Variants in ADAMTSL1 observed in about 807,000 individuals in gnomAD.
ADAMTSL1 encodes the protein ADAMTS-like protein 1.
ADAMTSL1 carries 126 observed loss-of-function variants against 201.8 expected under a neutral mutation model. The ratio of observed to expected loss-of-function variants is 0.62; its 90% CI spans 0.54 to 0.72. The LOEUF (loss-of-function observed/expected upper bound fraction) is 0.72, where lower values mean the gene tolerates loss of function less well. Ranked by LOEUF, ADAMTSL1 falls within the 30% of genes least tolerant of loss-of-function variation. The pLI, the probability that ADAMTSL1 is intolerant of heterozygous loss-of-function variation, is 0.00. For missense variants in ADAMTSL1, 2,679 were observed against 2,277.8 expected (o/e 1.18, Z -3.59); for synonymous variants, 1,121 against 903.4 (o/e 1.24, Z -4.32).
intron 23 of ADAMTSL1, among the ~76,000 whole-genome samples, chr9:18,839,657 A>C (rs1452101061): frequency 5.9e-5 from 9 of 152,190 alleles, no homozygotes; most frequent in African/African-American, 2.2e-4. Flanking sequence ...CCAACAGTGT[A>C]AAAGTGTTCC....
intron 1 of ADAMTSL1, among the ~76,000 whole-genome samples, chr9:17,941,454 C>G (rs2131347755): frequency 6.6e-6 from 1 of 152,216 alleles, no homozygotes; most frequent in East Asian, 1.9e-4. Flanking sequence ...AGACCATATT[C>G]TATACAGTTT....
chr9:18,530,842 A>C (rs182933080), intron 2 of ADAMTSL1, among the ~76,000 whole-genome samples: 2 of 152,322 alleles, frequency 1.3e-5, no homozygotes, highest in East Asian at 1.9e-4. Context: ...GATTCTAGAA[A>C]GCAGAGCCTA....
At chr9:18,359,837 C>CACA (rs1554666090) in intron 2 of ADAMTSL1, among the ~76,000 whole-genome samples, 2 of 122,748 alleles carry the variant, frequency 1.6e-5, no homozygotes, top group African/African-American at 5.7e-5. Flanking sequence ...GCCCCCCCGC[C>CACA]CACACAAAAT....
chr9:18,688,619 G>A (rs1179447773), intron 13 of ADAMTSL1, among the ~76,000 whole-genome samples: 2 of 119,484 alleles, frequency 1.7e-5, no homozygotes, highest in Non-Finnish European at 3.3e-5. Context: ...AGTGAGCTGA[G>A]ATCTTGCCAC....
intron 1 of ADAMTSL1, among the ~76,000 whole-genome samples, chr9:18,489,727 A>G (rs763550153): frequency 9.2e-5 from 14 of 152,204 alleles, no homozygotes; most frequent in Middle Eastern, 3.4e-3. Context: ...GTATTTGGTC[A>G]TATTTCCCAC....
chr9:18,828,660 TTATA>T (rs1554643931), intron 22 of ADAMTSL1, among the ~76,000 whole-genome samples: 3 of 28,530 alleles, frequency 1.1e-4, no homozygotes, highest in Non-Finnish European at 1.5e-4. Flanking sequence ...GAAAGTATAT[TTATA>T]TATATATATA....
At chr9:18,820,380 T>C (rs1411446533) in intron 21 of ADAMTSL1, among the ~76,000 whole-genome samples, 2 of 152,164 alleles carry the variant, frequency 1.3e-5, no homozygotes, top group Non-Finnish European at 1.5e-5. Flanking sequence ...TATTATAAAA[T>C]ATTAGAGTAT....
chr9:18,494,558 C>T (rs1029805178), intron 1 of ADAMTSL1, among the ~76,000 whole-genome samples: 2 of 152,098 alleles, frequency 1.3e-5, no homozygotes, highest in Non-Finnish European at 2.9e-5. Flanking sequence ...CTCACAGCAC[C>T]TGTGTTACTG....
At chr9:18,237,519 T>G (rs762073744) in intron 2 of ADAMTSL1, among the ~76,000 whole-genome samples, 1 of 152,210 alleles carries the variant, frequency 6.6e-6, no homozygotes, top group Non-Finnish European at 1.5e-5. Context: ...GATAAAGCAC[T>G]TAGAGGATTT....
chr9:18,143,567 T>A (rs1826496681), intron 1 of ADAMTSL1, among the ~76,000 whole-genome samples: 1 of 152,112 alleles, frequency 6.6e-6, no homozygotes, highest in Non-Finnish European at 1.5e-5. Context: ...TCCTCCCTTG[T>A]CAGAACCCCA....
intron 2 of ADAMTSL1, among the ~76,000 whole-genome samples, chr9:18,409,471 T>C (rs1818342403): frequency 6.6e-6 from 1 of 150,506 alleles, no homozygotes; most frequent in African/African-American, 2.4e-5. Flanking sequence ...TCCCACAACC[T>C]AATCAAAAAC....
At chr9:18,546,455 T>G (rs1820472383) in intron 3 of ADAMTSL1, among the ~76,000 whole-genome samples, 1 of 152,096 alleles carries the variant, frequency 6.6e-6, no homozygotes, top group Non-Finnish European at 1.5e-5. Context: ...CCTTTTCCTT[T>G]GAATCTTCAC....
rs1212584034 is a variant in ADAMTSL1, at chr9:17,915,653, G to GTA, written c.87+8732_87+8733dup. Among the ~76,000 whole-genome samples the GTA allele has an allele frequency of 1.4e-4, 21 of 152,306 alleles. No homozygotes were observed. In the East Asian group the frequency reaches 4.1e-3, roughly 29 times the overall value. ...AAGAAACTCAGTTTTTCAAAAGGTT[G>GTA]TACCCTTTTCTCAGTAGCAGAATGA... On this transcript the variant is annotated intron_variant, in intron 1 of 29. Coordinates refer to the ADAMTSL1 transcript ENST00000680146.
chr9:18,707,396 C>T (rs1832292499), intron 14 of ADAMTSL1, among the ~76,000 whole-genome samples: 1 of 152,232 alleles, frequency 6.6e-6, no homozygotes, highest in South Asian at 2.1e-4. Flanking sequence ...TCTGCCCTTG[C>T]CTCAGTGCAT....
At chr9:18,068,240 G>A (rs1041925552) in intron 1 of ADAMTSL1, among the ~76,000 whole-genome samples, 3 of 152,044 alleles carry the variant, frequency 2.0e-5, no homozygotes, top group African/African-American at 7.2e-5. Flanking sequence ...CTCCATATCT[G>A]TATGTTATAC....
chr9:18,692,380 T>C (rs1337320212), intron 13 of ADAMTSL1, among the ~76,000 whole-genome samples: 5 of 152,156 alleles, frequency 3.3e-5, no homozygotes, highest in African/African-American at 1.2e-4. Context: ...CATTCCTTGA[T>C]TGCAAACCAA....
chr9:18,448,393 A>G (rs971291726), intron 2 of ADAMTSL1, among the ~76,000 whole-genome samples: 1 of 152,190 alleles, frequency 6.6e-6, no homozygotes, highest in Non-Finnish European at 1.5e-5. Flanking sequence ...GGACAATGAG[A>G]TCAGGGCCAA....
At chr9:18,096,018 G>T (rs1224357683) in intron 1 of ADAMTSL1, among the ~76,000 whole-genome samples, 1 of 151,992 alleles carries the variant, frequency 6.6e-6, no homozygotes, top group Admixed American at 6.6e-5. Context: ...CTTCATTTCT[G>T]GTTGTCAGGA....
chr9:18,536,391 G>A (rs1227452380), intron 3 of ADAMTSL1, among the ~76,000 whole-genome samples: 1 of 150,348 alleles, frequency 6.7e-6, no homozygotes, highest in East Asian at 2.0e-4. Context: ...TTGTTGGGGA[G>A]TTCGTATTCC....
Sources: allele counts gnomAD v4.1 joint callset (sites outside exome capture counted in the v4.1 genomes callset), GRCh38; gene constraint gnomAD v4.1.1; transcripts MANE v1.5; gene names NCBI Gene and HGNC (gene_info 2026-07-23, HGNC 2026-07-21).